The following POGZ variants were observed in gnomAD, a reference collection of about 807,000 sequenced individuals.
The protein encoded by POGZ is pogo transposable element with ZNF domain.
In POGZ, 17 loss-of-function variants were observed where a neutral mutation model predicts 134.6. The observed-to-expected ratio is 0.13, with a 90% CI of 0.09 to 0.19. The LOEUF (loss-of-function observed/expected upper bound fraction) is 0.19. Among genes scored for constraint, POGZ ranks in the 10% least tolerant of loss-of-function variants. POGZ has a pLI of 1.00. For synonymous variants in POGZ, 693 were observed against 657.1 expected, an observed-to-expected ratio of 1.05 and a Z score of -0.84; for missense variants, 1,306 against 1,769.7, an observed-to-expected ratio of 0.74 and a Z score of 4.70.
At chr1:151,458,961 C>T (rs1263267629) in intron 1 of POGZ, among the ~76,000 whole-genome samples, 191 bp downstream of exon 1, 1 of 144,626 alleles carries the variant, frequency 6.9e-6, no homozygotes, top group East Asian at 2.1e-4. Context: ...CCGCGGCCGC[C>T]CCTGCCGCGG....
intron 10 of POGZ, among the ~76,000 whole-genome samples, chr1:151,419,668 CAAAAAAAAAAAAA>C (rs59593149): frequency 0.051 from 2,224 of 43,680 alleles, 120 homozygotes; most frequent in African/African-American, 0.21. Flanking sequence ...GACCCTGTCT[CAAAAAAAAAAAAA>C]AAAAAAAAAA....
chr1:151,440,767 T>C (rs1660401177), intron 3 of POGZ, 161 bp downstream of exon 3: 1 of 573,446 alleles, frequency 1.7e-6, no homozygotes, highest in African/African-American at 1.8e-5. Flanking sequence ...TAGCACCATC[T>C]ACAGAAATCA....
Position 151,403,977 on chromosome 1 carries a change from G to C in POGZ, c.*825C>G. 2.0e-6 allele frequency: 2 copies of C among 985,376 alleles called. No homozygotes were observed. The highest frequency in any genetic ancestry group is 2.4e-6 in the Non-Finnish European group (2 of 829,888). 61.0% of individuals were successfully genotyped at this position (985,376 alleles called of 1,614,324 possible). A position where few individuals can be genotyped will look rare whatever the true frequency, so the allele number is the denominator to read the frequency against. ...CACCTGTATGATCCTTTGTCCAGAGGGATGGATGGTGTTGAGAATGGGGAA... is the reference window on the plus strand; with the variant it reads ...CACCTGTATGATCCTTTGTCCAGAGCGATGGATGGTGTTGAGAATGGGGAA... On this transcript the variant is annotated 3_prime_UTR_variant, in exon 19 of 19. Transcript: ENST00000271715.
intron 1 of POGZ, chr1:151,451,160 A>T (rs993536441): frequency 1.2e-4 from 18 of 152,130 alleles, no homozygotes; most frequent in African/African-American, 4.3e-4. Flanking sequence ...GAAAAAAGAA[A>T]AACATTAACC....
At chr1:151,408,909 C>A in intron 12 of POGZ, 81 bp from the exon 13 acceptor site, 1 of 1,152,028 alleles carries the variant, frequency 8.7e-7, no homozygotes, top group Non-Finnish European at 1.3e-6. Flanking sequence ...GAAAGCAGAT[C>A]AATGTCAACC....
intron 12 of POGZ, among the ~76,000 whole-genome samples, chr1:151,409,905 T>G (rs1654366664): frequency 6.6e-6 from 1 of 152,248 alleles, no homozygotes; most frequent in South Asian, 2.1e-4. Flanking sequence ...TATGATTTTC[T>G]TTAGTAGGAT....
At chr1:151,421,512 G>C (rs1344841820) in intron 10 of POGZ, among the ~76,000 whole-genome samples, 1 of 152,206 alleles carries the variant, frequency 6.6e-6, no homozygotes, top group East Asian at 1.9e-4. Flanking sequence ...AATGGTCAAA[G>C]AGATATAAAA....
intron 1 of POGZ, among the ~76,000 whole-genome samples, chr1:151,451,280 G>A (rs1241327410): frequency 6.6e-6 from 1 of 151,894 alleles, no homozygotes; most frequent in African/African-American, 2.4e-5. Context: ...AAGTATTACT[G>A]ACAATAATAT....
intron 3 of POGZ, among the ~76,000 whole-genome samples, chr1:151,433,259 G>A (rs1456132474): frequency 6.6e-6 from 1 of 152,108 alleles, no homozygotes; most frequent in Non-Finnish European, 1.5e-5. Flanking sequence ...AGCATTTTCT[G>A]CAAATATTTT....
chr1:151,428,299 G>C lies in POGZ; in HGVS notation c.683C>G (p.Thr228Ser), dbSNP rs774773686. The C allele has an allele frequency of 1.8e-5, 29 of 1,614,046 alleles. No individual in the cohort carries two copies. The Admixed American group carries it at 2.5e-4, about 14-fold the overall frequency. The part of the protein sequence containing the change: ...MPVRPTTNTF[T>S]TVIPATLTIR... ...GGTAAGAGTGGCCGGGATGACGGTG[G>C]TGAAGGTGTTGGTGGTGGGCCTCAC... Residue 228 changes from threonine (T) to serine (S), a missense_variant, in exon 6 of 19, where the codon ACC (threonine) becomes AGC (serine). Around this residue, in one of 10 missense-constraint regions of POGZ, gnomAD observed 541 missense variants for 680.5 expected, o/e 0.80. Transcript: ENST00000271715.
In POGZ at chr1:151,424,124, C is replaced by G; in HGVS notation, c.1348G>C (p.Val450Leu). ...PIPALSPPTK[V>L]PEPNENVGDA... ...CCCACGTTCTCATTTGGTTCTGGTA[C>G]TTTGGTAGGCGGTGACAGAGCAGGA... The change falls in exon 9 of 19, where the codon GTA becomes CTA. Residue 450 changes from valine (V) to leucine (L), a missense_variant. Physicochemically the swap from Val to Leu is conservative, Grantham distance 32. Around this residue, in one of 10 missense-constraint regions of POGZ, gnomAD observed 541 missense variants for 680.5 expected, o/e 0.80. Transcript: ENST00000271715. 6.2e-7 allele frequency: 1 copy of G among 1,614,132 alleles called. No individual in the cohort carries two copies. The highest frequency in any genetic ancestry group is 8.5e-7 in the Non-Finnish European group (1 of 1,180,028).
intron 1 of POGZ, among the ~76,000 whole-genome samples, chr1:151,456,283 A>G (rs906109226): frequency 1.3e-5 from 2 of 152,182 alleles, no homozygotes; most frequent in African/African-American, 4.8e-5. Context: ...TTAACCACTG[A>G]TATCATAAGG....
chr1:151,423,908 T>C lies in POGZ; in HGVS notation c.1523+41A>G. 2.1e-6 allele frequency: 3 copies of C among 1,456,164 alleles called. No homozygotes were observed. In the South Asian group the frequency reaches 3.7e-5, roughly 18 times the overall value. 90.2% of individuals were successfully genotyped at this position (1,456,164 alleles called of 1,614,324 possible). ...AAAATATATAAGAAAATGTAAGTCT[T>C]CTCTTGTTCAAGGTAACTTCCAAGG... On this transcript the variant is annotated intron_variant, in intron 9 of 18. Transcript: ENST00000271715.
Position 151,408,402 on chromosome 1 carries a change from C to A in POGZ, c.2234+7G>T. The A allele has an allele frequency of 6.3e-7, 1 of 1,584,516 alleles. No homozygotes were observed. The highest frequency in any genetic ancestry group is 8.5e-7 in the Non-Finnish European group (1 of 1,170,556). On this transcript the variant is annotated splice_region_variant and intron_variant, in intron 14 of 18. Coordinates refer to ENST00000271715, the MANE Select transcript of POGZ (RefSeq NM_015100.4). ...CACCCGCCCAGCACTTAGAAGAAGG[C>A]GCTGACATTTTCCTAACAGCTCTCT...
chr1:151,423,965 G>C lies in POGZ; in HGVS notation c.1507C>G (p.Leu503Val). Residue 503 changes from leucine (L) to valine (V), a missense_variant, in exon 9 of 19, where the codon CTA (leucine) becomes GTA (valine). Physicochemically the swap from Leu to Val is conservative, Grantham distance 32. Transcript: ENST00000271715. ...SFRCPHCTKR[L>V]KNNIRFMNHM... ...AACACTTACCGAATATTGTTTTTTA[G>C]CCTTTTGGTACAATGTGGGCATCGG... 6.2e-7 allele frequency: 1 copy of C among 1,613,028 alleles called. No homozygotes were observed. The highest frequency in any genetic ancestry group is 8.5e-7 in the Non-Finnish European group (1 of 1,179,432).
At chr1:151,413,962 T>C (rs1448629758) in intron 10 of POGZ, among the ~76,000 whole-genome samples, 2 of 152,128 alleles carry the variant, frequency 1.3e-5, no homozygotes, top group African/African-American at 2.4e-5. Flanking sequence ...AAGAGTAAAA[T>C]GTAGATTTTT....
intron 1 of POGZ, among the ~76,000 whole-genome samples, chr1:151,449,814 T>C (rs1661793580): frequency 6.6e-6 from 1 of 152,144 alleles, no homozygotes; most frequent in Admixed American, 6.6e-5. Flanking sequence ...GAGAATGGCA[T>C]GAACCTGGGA....
At chr1:151,413,474 T>C (rs1050903492) in intron 10 of POGZ, among the ~76,000 whole-genome samples, 1 of 151,924 alleles carries the variant, frequency 6.6e-6, no homozygotes, top group South Asian at 2.1e-4. Flanking sequence ...TTATACAGTA[T>C]GGCAAAAAGA....
chr1:151,431,601 G>C (rs1269453685), intron 3 of POGZ, among the ~76,000 whole-genome samples: 2 of 152,142 alleles, frequency 1.3e-5, no homozygotes, highest in African/African-American at 4.8e-5. Context: ...TATGTCATCA[G>C]GGGTGATAAT....
Sources: gnomAD v4.1 joint callset for allele counts (sites outside exome capture counted in the v4.1 genomes callset) on GRCh38, gnomAD v4.1.1 for gene constraint, gnomAD v4.1.1 regional missense constraint, MANE v1.5 for transcripts, NCBI Gene and HGNC (gene_info 2026-07-23, HGNC 2026-07-21) for gene names.